CDH13: variants seen among roughly 807,000 people sequenced by gnomAD.
The protein encoded by CDH13 is cadherin 13, also known as cadherin-13.
In CDH13, 24 loss-of-function variants were observed where a neutral mutation model predicts 63.8. The observed-to-expected ratio is 0.38, with a 90% CI of 0.27 to 0.53. The LOEUF is 0.53. Ranked by LOEUF, CDH13 falls within the 20% of genes least tolerant of loss-of-function variation. The pLI is 0.85. For synonymous variants in CDH13, 503 were observed against 355.3 expected (o/e 1.42, Z -4.67); for missense variants, 1,049 against 903.1 (o/e 1.16, Z -2.07).
At chr16:83,413,858 G>T (rs1471974637) in intron 6 of CDH13, among the ~76,000 whole-genome samples, 4 of 152,022 alleles carry the variant, frequency 2.6e-5, no homozygotes, top group Non-Finnish European at 5.9e-5. Flanking sequence ...AGGTGTGGTG[G>T]GCACACACCT....
At chr16:83,482,693 G>C (rs1029759745) in intron 6 of CDH13, among the ~76,000 whole-genome samples, 1 of 152,186 alleles carries the variant, frequency 6.6e-6, no homozygotes, top group African/African-American at 2.4e-5. Flanking sequence ...GTAAAGCCTG[G>C]TCTTAGAGGC....
At chr16:83,433,158 C>A (rs1364604421) in intron 6 of CDH13, among the ~76,000 whole-genome samples, 2 of 152,160 alleles carry the variant, frequency 1.3e-5, no homozygotes, top group African/African-American at 2.4e-5. Flanking sequence ...CAGACCAAGT[C>A]CCCGTCTTCC....
chr16:82,955,765 C>A (rs998295580), intron 2 of CDH13, among the ~76,000 whole-genome samples: 1 of 152,176 alleles, frequency 6.6e-6, no homozygotes, highest in Non-Finnish European at 1.5e-5. Context: ...CAAGCAGCTA[C>A]TGCATTCCGA....
chr16:82,813,977 G>T (rs1241652106), intron 1 of CDH13, among the ~76,000 whole-genome samples: 3 of 152,046 alleles, frequency 2.0e-5, no homozygotes, highest in Non-Finnish European at 2.9e-5. Context: ...CATCTATTCA[G>T]CACATACTTG....
At chr16:83,445,157 A>T (rs897968513) in intron 6 of CDH13, among the ~76,000 whole-genome samples, 7 of 150,996 alleles carry the variant, frequency 4.6e-5, no homozygotes, top group African/African-American at 1.7e-4. Context: ...CTACTCTCTC[A>T]TTTAATCCTC....
At chr16:83,074,304 C>T (rs1478116255) in intron 3 of CDH13, among the ~76,000 whole-genome samples, 1 of 152,154 alleles carries the variant, frequency 6.6e-6, no homozygotes, top group Non-Finnish European at 1.5e-5. Flanking sequence ...ATTAAGGTTG[C>T]AGCAAATAAT....
chr16:82,825,853 A>ATTTT (rs375982217), intron 1 of CDH13: 1 of 148,034 alleles, frequency 6.8e-6, no homozygotes, highest in African/African-American at 2.5e-5. Context: ...AGCCTTAACA[A>ATTTT]TTTTTTTTTG....
At chr16:83,140,790 A>G (rs1226845177) in intron 4 of CDH13, among the ~76,000 whole-genome samples, 12 of 152,206 alleles carry the variant, frequency 7.9e-5, no homozygotes, top group Admixed American at 7.9e-4. Flanking sequence ...GCATGACATA[A>G]AATGACTGAA....
rs532108970 is a variant in CDH13 at position 82,751,530 on chromosome 16, A to C, written c.46-106832A>C. On this transcript the variant is annotated intron_variant, in intron 1 of 13. Transcript: ENST00000567109. ...CTAGCATGGACCAGAGCTCTGGGGC[A>C]GGGAGGTTTTTGTCAGGTGCATGTA... is the stretch of plus-strand genomic sequence containing the variant. Among the ~76,000 whole-genome samples, 5 of 152,254 alleles carry C rather than the reference A, an allele frequency of 3.3e-5. No individual in the cohort carries two copies. In the South Asian group the frequency reaches 1.0e-3, roughly 32 times the overall value.
At chr16:82,671,897 C>T (rs1212040330) in intron 1 of CDH13, among the ~76,000 whole-genome samples, 2 of 152,180 alleles carry the variant, frequency 1.3e-5, no homozygotes, top group Non-Finnish European at 2.9e-5. Context: ...GAAGTGCCCC[C>T]TGCTGGCCAG....
chr16:83,692,717 G>A (rs1905031023), intron 10 of CDH13, among the ~76,000 whole-genome samples: 1 of 152,168 alleles, frequency 6.6e-6, no homozygotes, highest in South Asian at 2.1e-4. Flanking sequence ...GATTCAGGCT[G>A]TCTCTAGAAA....
intron 3 of CDH13, among the ~76,000 whole-genome samples, chr16:83,082,480 A>T (rs749131507): frequency 2.0e-5 from 3 of 151,994 alleles, no homozygotes; most frequent in African/African-American, 4.8e-5. Flanking sequence ...AAAATAAAAA[A>T]AAAATAGCCA....
chr16:83,287,926 A>G (rs922490840), intron 5 of CDH13, among the ~76,000 whole-genome samples: 1 of 152,190 alleles, frequency 6.6e-6, no homozygotes, highest in African/African-American at 2.4e-5. Context: ...TAAAGACAGG[A>G]TCAAAATCAA....
intron 10 of CDH13, among the ~76,000 whole-genome samples, chr16:83,694,911 C>G (rs1327710641): frequency 6.6e-6 from 1 of 152,060 alleles, no homozygotes; most frequent in Admixed American, 6.6e-5. Flanking sequence ...AAAATCAAAA[C>G]TAATGCAAAA....
At position 82,802,117 on chromosome 16, in the gene CDH13, TC is replaced by T. The variant is rs201872846; in HGVS notation, c.46-56244del. Among the ~76,000 whole-genome samples, 803 of 145,834 alleles carry T rather than the reference TC, an allele frequency of 5.5e-3. 2 individuals are homozygous for T. The highest frequency in any genetic ancestry group is 9.2e-3 in the Non-Finnish European group (614 of 66,586). On this transcript the variant is annotated intron_variant, in intron 1 of 13. Coordinates refer to ENST00000567109, the MANE Select transcript of CDH13 (RefSeq NM_001257.5). ...GGGTTATTTATCTATCATCTCCCTC[TC>T]ATTGGTTGGAGCCTGCTTCTAAGGG...
chr16:83,659,205 C>T (rs1157733322), intron 8 of CDH13, among the ~76,000 whole-genome samples: 13 of 144,776 alleles, frequency 9.0e-5, no homozygotes, highest in African/African-American at 2.9e-4. Context: ...ATATCCTCAC[C>T]ACCAGGTCCC....
chr16:83,560,906 C>CCA (rs1555573420), intron 7 of CDH13, among the ~76,000 whole-genome samples: 8 of 151,866 alleles, frequency 5.3e-5, no homozygotes, highest in Non-Finnish European at 1.2e-4. Flanking sequence ...TTGGCCCCCC[C>CCA]CCCGCCCCAG....
At chr16:83,760,704 G>C (rs1012895406) in intron 11 of CDH13, among the ~76,000 whole-genome samples, 4 of 152,194 alleles carry the variant, frequency 2.6e-5, no homozygotes, top group African/African-American at 9.7e-5. Context: ...AGACTACATG[G>C]GTGTGTTCAG....
chr16:83,059,799 T>C (rs1280262862), intron 3 of CDH13, among the ~76,000 whole-genome samples: 1 of 146,886 alleles, frequency 6.8e-6, no homozygotes, highest in East Asian at 2.0e-4. Flanking sequence ...GTTTGTTTTT[T>C]TTTTTTTTTT....
Sources: gnomAD v4.1 joint callset for allele counts (sites outside exome capture counted in the v4.1 genomes callset) on GRCh38, gnomAD v4.1.1 for gene constraint, MANE v1.5 for transcripts, NCBI Gene and HGNC (gene_info 2026-07-23, HGNC 2026-07-21) for gene names.